TRAPPC9: variants seen among roughly 807,000 people sequenced by gnomAD.
TRAPPC9 encodes trafficking protein particle complex subunit 9.
In TRAPPC9, 83 loss-of-function variants were observed where a neutral mutation model predicts 124.0. The observed-to-expected ratio is 0.67, with a 90% CI of 0.56 to 0.80. The LOEUF (loss-of-function observed/expected upper bound fraction) is 0.80, where lower values mean the gene tolerates loss of function less well. Ranked by LOEUF, TRAPPC9 falls within the 30% of genes least tolerant of loss-of-function variation. The probability of loss-of-function intolerance (pLI) is 0.00; values close to 1 mark genes in which losing one functional copy is unlikely to be tolerated. For synonymous variants in TRAPPC9, 638 were observed against 617.5 expected, an observed-to-expected ratio of 1.03 and a Z score of -0.49; for missense variants, 1,302 against 1,508.3, an observed-to-expected ratio of 0.86 and a Z score of 2.27.
At chr8:140,425,217 C>T (rs544095878) in intron 5 of TRAPPC9, among the ~76,000 whole-genome samples, 2 of 152,346 alleles carry the variant, frequency 1.3e-5, no homozygotes, top group East Asian at 3.9e-4. Flanking sequence ...ACTGGCGTGG[C>T]CTGGAAGGCA....
At position 139,732,215 on chromosome 8, in the gene TRAPPC9, C is replaced by A. The variant is rs779503724; in HGVS notation, c.3056-13G>T. Reference sequence around the variant, plus strand: ...TCCACCAGCACATCTGTAAGGGACACGAGACTGTCGGGGGCTGGGCTGGCC... The same window carrying A: ...TCCACCAGCACATCTGTAAGGGACAAGAGACTGTCGGGGGCTGGGCTGGCC... On this transcript the variant is annotated splice_polypyrimidine_tract_variant and intron_variant, in intron 21 of 22. Transcript: ENST00000438773. 1.9e-6 allele frequency: 3 copies of A among 1,568,020 alleles called. No individual in the cohort carries two copies. Among genetic ancestry groups the A allele is most frequent in the Non-Finnish European group, 1.7e-6 (2 of 1,163,914 alleles).
At chr8:140,204,522 A>C (rs537610806) in intron 17 of TRAPPC9, among the ~76,000 whole-genome samples, 1 of 152,044 alleles carries the variant, frequency 6.6e-6, no homozygotes, top group East Asian at 1.9e-4. Flanking sequence ...TACCTAATGT[A>C]AATGACAAGT....
intron 21 of TRAPPC9, among the ~76,000 whole-genome samples, chr8:139,834,702 C>A (rs1234379980): frequency 3.9e-5 from 6 of 152,230 alleles, no homozygotes; most frequent in African/African-American, 1.4e-4. Flanking sequence ...AACTTGGAGT[C>A]CTGCCTGGCA....
intron 19 of TRAPPC9, among the ~76,000 whole-genome samples, chr8:139,941,486 C>T (rs1833918456): frequency 6.6e-6 from 1 of 152,196 alleles, no homozygotes; most frequent in South Asian, 2.1e-4. Flanking sequence ...ACACAGAGGG[C>T]CCAGTATGGC....
chr8:140,334,067 C>A (rs905111425), intron 9 of TRAPPC9, among the ~76,000 whole-genome samples: 1 of 152,216 alleles, frequency 6.6e-6, no homozygotes, highest in African/African-American at 2.4e-5. Flanking sequence ...AAAGAACTCA[C>A]CCCCATTCAG....
intron 19 of TRAPPC9, among the ~76,000 whole-genome samples, chr8:139,939,919 G>A (rs1833798496): frequency 6.6e-6 from 1 of 152,260 alleles, no homozygotes; most frequent in Non-Finnish European, 1.5e-5. Flanking sequence ...CCAGGCCACA[G>A]CATGCGGCTC....
intron 19 of TRAPPC9, among the ~76,000 whole-genome samples, chr8:139,941,475 G>A (rs1047566555): frequency 2.0e-5 from 3 of 152,230 alleles, no homozygotes; most frequent in Non-Finnish European, 4.4e-5. Context: ...GTGAAAATGG[G>A]ACACAGAGGG....
chr8:139,979,604 C>T (rs1424886317), intron 19 of TRAPPC9, among the ~76,000 whole-genome samples: 2 of 152,086 alleles, frequency 1.3e-5, no homozygotes, highest in Non-Finnish European at 2.9e-5. Flanking sequence ...AGTAAAGACC[C>T]CCGGGTGATG....
chr8:140,434,969 CA>C lies in TRAPPC9; in HGVS notation c.859+142del, dbSNP rs371009615. ...CGGGCAACAGTGCAAGACTCTGTCT[CA>C]AAAAAAAAAAAAAATTACTGACTCA... On this transcript the variant is annotated intron_variant, in intron 4 of 22. Coordinates refer to ENST00000438773, the MANE Select transcript of TRAPPC9 (RefSeq NM_001160372.4). The C allele has an allele frequency of 0.2, 201,455 of 1,005,406 alleles. 310 individuals are homozygous for C. The highest frequency in any genetic ancestry group is 0.25 in the South Asian group (12,480 of 49,354). 62.3% of individuals were successfully genotyped at this position (1,005,406 alleles called of 1,614,324 possible). A position where few individuals can be genotyped will look rare whatever the true frequency, so the allele number is the denominator to read the frequency against.
At chr8:140,349,440 C>T (rs1367829775) in intron 9 of TRAPPC9, among the ~76,000 whole-genome samples, 2 of 117,202 alleles carry the variant, frequency 1.7e-5, no homozygotes, top group African/African-American at 3.2e-5. Context: ...GATGGGGGCG[C>T]GCGAGGGAAG....
intron 19 of TRAPPC9, among the ~76,000 whole-genome samples, chr8:139,924,539 G>A (rs1035734731): frequency 3.9e-5 from 6 of 152,152 alleles, no homozygotes; most frequent in East Asian, 1.9e-4. Flanking sequence ...TCATGCTGCC[G>A]GGCCCTGGCA....
intron 16 of TRAPPC9, among the ~76,000 whole-genome samples, chr8:140,231,305 T>C (rs1042148929): frequency 5.9e-5 from 9 of 152,122 alleles, no homozygotes; most frequent in African/African-American, 2.2e-4. Flanking sequence ...AAGAACTGTA[T>C]GCCTGCACTG....
intron 14 of TRAPPC9, among the ~76,000 whole-genome samples, chr8:140,279,806 G>C (rs1055359181): frequency 9.2e-5 from 14 of 152,364 alleles, no homozygotes; most frequent in African/African-American, 3.4e-4. Flanking sequence ...TAGAGGACCT[G>C]CTTTCTTCAC....
At chr8:140,367,578 G>A (rs1475663312) in intron 8 of TRAPPC9, among the ~76,000 whole-genome samples, 2 of 152,162 alleles carry the variant, frequency 1.3e-5, no homozygotes, top group African/African-American at 4.8e-5. Context: ...TAAATAGGGA[G>A]GGAGGGATGA....
intron 19 of TRAPPC9, among the ~76,000 whole-genome samples, chr8:139,934,280 C>CAGAGAGAGAG (rs34430255): frequency 6.7e-6 from 1 of 148,804 alleles, no homozygotes; most frequent in African/African-American, 2.5e-5. Flanking sequence ...CAAGTCCAGT[C>CAGAGAGAGAG]AGAGAGAGAG....
In TRAPPC9 at chr8:139,781,779, C is replaced by T. The variant is rs139859853; in HGVS notation, c.3056-49577G>A. ...ATATGGGAACTCTGTACTTTCTACT[C>T]GATTTTGCTGTGAACCTAAAACTGC... On this transcript the variant is annotated intron_variant, in intron 21 of 22. Coordinates refer to ENST00000438773, the MANE Select transcript of TRAPPC9 (RefSeq NM_001160372.4). Among the ~76,000 whole-genome samples the T allele has an allele frequency of 3.1e-3, 471 of 152,056 alleles. 7 individuals carry two copies. Among genetic ancestry groups the T allele is most frequent in the Middle Eastern group, 0.02 (6 of 294 alleles).
intron 5 of TRAPPC9, among the ~76,000 whole-genome samples, chr8:140,421,215 G>A (rs73356488): frequency 2.0e-5 from 3 of 152,158 alleles, no homozygotes; most frequent in Non-Finnish European, 2.9e-5. Context: ...AGCTGCCAAA[G>A]CCTCTGAAAG....
rs563646581 is a variant in TRAPPC9, at chr8:140,370,710, A to C, written c.1351+254T>G. ...TCCACTGTTTGATTGATGATGACAC[A>C]CCATGCCAATGAACTCAAAGGCAAT... On this transcript the variant is annotated intron_variant, in intron 8 of 22. Coordinates refer to ENST00000438773, the MANE Select transcript of TRAPPC9 (RefSeq NM_001160372.4). Among the ~76,000 whole-genome samples the C allele has an allele frequency of 1.6e-4, 24 of 152,348 alleles. No homozygotes were observed. In the South Asian group the frequency reaches 4.8e-3, roughly 30 times the overall value.
At chr8:139,858,789 C>T (rs932061734) in intron 21 of TRAPPC9, among the ~76,000 whole-genome samples, 43 of 151,726 alleles carry the variant, frequency 2.8e-4, no homozygotes, top group South Asian at 1.0e-3. Context: ...AGGCCAGAGC[C>T]GACAAGTAGC....
Sources: gnomAD v4.1 joint callset for allele counts (sites outside exome capture counted in the v4.1 genomes callset) on GRCh38, gnomAD v4.1.1 for gene constraint, MANE v1.5 for transcripts, NCBI Gene and HGNC (gene_info 2026-07-23, HGNC 2026-07-21) for gene names.